The following NLGN1 variants were observed in gnomAD, a reference collection of about 807,000 sequenced individuals.
The protein encoded by NLGN1 is neuroligin 1.
A neutral mutation model predicts 65.5 loss-of-function variants in NLGN1; 12 were observed. The ratio of observed to expected loss-of-function variants is 0.18; its 90% confidence interval spans 0.12 to 0.30. The LOEUF (loss-of-function observed/expected upper bound fraction) is 0.30, where lower values mean the gene tolerates loss of function less well. NLGN1 is among the 10% of genes least tolerant of loss of function. The pLI is 1.00. For synonymous variants in NLGN1, 350 were observed against 359.5 expected, an observed-to-expected ratio of 0.97 and a Z score of 0.30; for missense variants, 750 against 1,007.1, an observed-to-expected ratio of 0.74 and a Z score of 3.46.
chr3:174,157,811 G>A (rs1239598600), intron 4 of NLGN1, among the ~76,000 whole-genome samples: 1 of 151,754 alleles, frequency 6.6e-6, no homozygotes, highest in Non-Finnish European at 1.5e-5. Flanking sequence ...GGGGCAGAGA[G>A]AGATAAAAGT....
chr3:173,963,119 T>C (rs907804598), intron 4 of NLGN1, among the ~76,000 whole-genome samples: 1 of 152,072 alleles, frequency 6.6e-6, no homozygotes, highest in African/African-American at 2.4e-5. Context: ...ATGCATTATC[T>C]CATCTGACTT....
At chr3:174,261,514 G>T (rs1256900899) in intron 4 of NLGN1, among the ~76,000 whole-genome samples, 71 of 147,800 alleles carry the variant, frequency 4.8e-4, no homozygotes, top group Non-Finnish European at 9.4e-4. Flanking sequence ...AAGAATGCTT[G>T]TGATTTTTGT....
At position 173,869,672 on chromosome 3, in the gene NLGN1, T is replaced by C. The variant is rs535047440; in HGVS notation, c.646+61840T>C. Among the ~76,000 whole-genome samples, 198 of 152,292 alleles carry C rather than the reference T, an allele frequency of 1.3e-3. 1 individual carries two copies. The highest frequency in any genetic ancestry group is 8.6e-3 in the Admixed American group (132 of 15,290). On this transcript the variant is annotated intron_variant, in intron 4 of 6. Transcript: ENST00000457714. ...CAATGTAAACCCAGTCTTCTTGGTG[T>C]AGAAAAAGAAATTATCACAGGTATT...
At chr3:174,101,236 A>C (rs1020038758) in intron 4 of NLGN1, among the ~76,000 whole-genome samples, 1 of 152,158 alleles carries the variant, frequency 6.6e-6, no homozygotes, top group African/African-American at 2.4e-5. Context: ...TAGGCACATT[A>C]AAATGTTAAA....
intron 4 of NLGN1, among the ~76,000 whole-genome samples, chr3:173,976,230 T>C (rs1717426208): frequency 6.6e-6 from 1 of 152,096 alleles, no homozygotes; most frequent in Non-Finnish European, 1.5e-5. Context: ...TTGTAAGACA[T>C]TTATTGATCC....
intron 2 of NLGN1, among the ~76,000 whole-genome samples, chr3:173,444,401 A>C (rs1719780971): frequency 6.6e-6 from 1 of 152,110 alleles, no homozygotes; most frequent in South Asian, 2.1e-4. Context: ...TGAAATGAGC[A>C]CGGGTGTGAT....
chr3:174,182,596 GC>G (rs1272145538), intron 4 of NLGN1, among the ~76,000 whole-genome samples: 1 of 152,156 alleles, frequency 6.6e-6, no homozygotes, highest in Non-Finnish European at 1.5e-5. Context: ...AGACGTGGGT[GC>G]CACTGGTCTG....
At chr3:174,026,971 T>A (rs1411239063) in intron 4 of NLGN1, among the ~76,000 whole-genome samples, 2 of 152,098 alleles carry the variant, frequency 1.3e-5, no homozygotes, top group African/African-American at 2.4e-5. Context: ...AGCAATTATA[T>A]GTAAAAGATT....
intron 4 of NLGN1, among the ~76,000 whole-genome samples, chr3:174,182,012 G>A (rs926242245): frequency 6.2e-5 from 9 of 144,090 alleles, no homozygotes; most frequent in South Asian, 2.2e-4. Flanking sequence ...GAATGTCTCC[G>A]AATAAACTTG....
chr3:173,928,614 G>C (rs1036027924), intron 4 of NLGN1, among the ~76,000 whole-genome samples: 1 of 151,024 alleles, frequency 6.6e-6, no homozygotes, highest in Admixed American at 6.6e-5. Flanking sequence ...AGGTCTCTCT[G>C]TCTCCCTTCA....
chr3:173,659,727 T>C (rs1760639367), intron 3 of NLGN1, among the ~76,000 whole-genome samples: 1 of 151,792 alleles, frequency 6.6e-6, no homozygotes, highest in Admixed American at 6.6e-5. Flanking sequence ...TTATGGTTTC[T>C]TATTTATGAT....
chr3:173,880,770 A>G (rs538745411), intron 4 of NLGN1, among the ~76,000 whole-genome samples: 3 of 152,288 alleles, frequency 2.0e-5, no homozygotes, highest in South Asian at 4.1e-4. Flanking sequence ...TAAGACAACA[A>G]GGAAGTTTGC....
chr3:173,681,926 C>A (rs1763998487), intron 3 of NLGN1, among the ~76,000 whole-genome samples: 1 of 152,144 alleles, frequency 6.6e-6, no homozygotes, highest in Non-Finnish European at 1.5e-5. Context: ...TTCTAAAACA[C>A]TTAAACATAA....
chr3:173,925,022 T>C (rs1298794530), intron 4 of NLGN1, among the ~76,000 whole-genome samples: 1 of 152,180 alleles, frequency 6.6e-6, no homozygotes, highest in Non-Finnish European at 1.5e-5. Flanking sequence ...GGCATCTTGA[T>C]ATTCTTTCTA....
chr3:174,095,493 G>A lies in NLGN1; in HGVS notation c.647-179822G>A, dbSNP rs193137724. On this transcript the variant is annotated intron_variant, in intron 4 of 6. Coordinates refer to ENST00000457714, the Ensembl canonical transcript of NLGN1. ...TGTGTGTATGCTTGTGTGTGTGTGT[G>A]TGTAGAATTATGGAGGTGACACACA... Among the ~76,000 whole-genome samples, 234 of 151,606 alleles carry A rather than the reference G, an allele frequency of 1.5e-3. 1 individual carries two copies. The highest frequency in any genetic ancestry group is 5.4e-3 in the African/African-American group (224 of 41,316).
chr3:173,428,021 C>T (rs547648627), intron 1 of NLGN1, among the ~76,000 whole-genome samples: 120 of 151,820 alleles, frequency 7.9e-4, no homozygotes, highest in African/African-American at 2.8e-3. Context: ...TTTATAATTG[C>T]TATATGCTCC....
chr3:173,502,616 A>G (rs1389362511), intron 2 of NLGN1, among the ~76,000 whole-genome samples: 1 of 152,122 alleles, frequency 6.6e-6, no homozygotes, highest in Admixed American at 6.6e-5. Flanking sequence ...CTTGTTCTTT[A>G]TACTGACAAG....
chr3:173,780,288 T>C (rs1309603091), intron 3 of NLGN1, among the ~76,000 whole-genome samples: 1 of 152,218 alleles, frequency 6.6e-6, no homozygotes, highest in East Asian at 1.9e-4. Flanking sequence ...GTATGATATA[T>C]AAATACATGC....
chr3:173,506,552 T>A (rs973756250), intron 2 of NLGN1, among the ~76,000 whole-genome samples: 2 of 152,194 alleles, frequency 1.3e-5, no homozygotes, highest in South Asian at 2.1e-4. Context: ...ACAGGCATTT[T>A]AAAATATTAT....
Sources: allele counts gnomAD v4.1 joint callset (sites outside exome capture counted in the v4.1 genomes callset), GRCh38; gene constraint gnomAD v4.1.1; transcripts MANE v1.5; gene names NCBI Gene and HGNC (gene_info 2026-07-23, HGNC 2026-07-21).